AFAP1: variants seen among roughly 807,000 people sequenced by gnomAD.
The protein encoded by AFAP1 is actin filament-associated protein 1.
AFAP1 carries 75 observed loss-of-function variants against 93.9 expected under a neutral mutation model. The ratio of observed to expected loss-of-function variants is 0.80; its 90% CI spans 0.66 to 0.97. The LOEUF (loss-of-function observed/expected upper bound fraction) is 0.97, where lower values mean the gene tolerates loss of function less well. AFAP1 is among the 50% of genes least tolerant of loss of function. AFAP1 has a pLI of 0.00. For synonymous variants in AFAP1, 517 were observed against 430.7 expected, an observed-to-expected ratio of 1.20 and a Z score of -2.48; for missense variants, 1,201 against 1,050.8, an observed-to-expected ratio of 1.14 and a Z score of -1.98.
At chr4:7,861,548 C>T (rs187867047) in intron 3 of AFAP1, among the ~76,000 whole-genome samples, 14 of 152,324 alleles carry the variant, frequency 9.2e-5, no homozygotes, top group Non-Finnish European at 1.5e-4. Context: ...GATTGTCTCA[C>T]ATATTTTCTT....
intron 4 of AFAP1, among the ~76,000 whole-genome samples, chr4:7,848,623 T>G (rs1390639992): frequency 6.6e-6 from 1 of 152,146 alleles, no homozygotes; most frequent in East Asian, 1.9e-4. Context: ...TATCGGATGG[T>G]ACTGCCTACA....
chr4:7,791,655 C>G (rs533617700), intron 11 of AFAP1, among the ~76,000 whole-genome samples: 1 of 151,100 alleles, frequency 6.6e-6, no homozygotes, highest in South Asian at 2.1e-4. Flanking sequence ...AGTTTGAGAC[C>G]AGCCTGGGCA....
intron 1 of AFAP1, among the ~76,000 whole-genome samples, chr4:7,878,078 A>G (rs1043732300): frequency 6.6e-6 from 1 of 152,220 alleles, no homozygotes; most frequent in Non-Finnish European, 1.5e-5. Context: ...CCAAAGCAAG[A>G]AGGGAAGAAG....
chr4:7,776,856 A>T (rs374249024), intron 14 of AFAP1: 1 of 152,196 alleles, frequency 6.6e-6, no homozygotes, highest in Non-Finnish European at 1.5e-5. Flanking sequence ...TGTTTCCCCA[A>T]TGAACTCAAT....
At chr4:7,888,288 C>T (rs879392730) in intron 1 of AFAP1, among the ~76,000 whole-genome samples, 1 of 152,200 alleles carries the variant, frequency 6.6e-6, no homozygotes, top group Non-Finnish European at 1.5e-5. Flanking sequence ...GTCTTAACTG[C>T]TCTTCCTTCC....
At chr4:7,931,799 A>G (rs980111415) in intron 1 of AFAP1, among the ~76,000 whole-genome samples, 2 of 151,980 alleles carry the variant, frequency 1.3e-5, no homozygotes, top group Non-Finnish European at 2.9e-5. Context: ...TTTGCACAGG[A>G]TTTTGAGGAG....
intron 1 of AFAP1, among the ~76,000 whole-genome samples, chr4:7,924,978 C>T (rs1720649421): frequency 6.6e-6 from 1 of 152,174 alleles, no homozygotes. Flanking sequence ...GAGCCACCTC[C>T]AGCCCCCACA....
intron 4 of AFAP1, among the ~76,000 whole-genome samples, chr4:7,850,026 G>A (rs912607346): frequency 1.3e-5 from 2 of 152,080 alleles, no homozygotes; most frequent in African/African-American, 4.8e-5. Flanking sequence ...GCCCTCAGAC[G>A]AACTTTGGCT....
intron 12 of AFAP1, among the ~76,000 whole-genome samples, chr4:7,783,100 A>G (rs1186687835): frequency 1.3e-5 from 2 of 152,174 alleles, no homozygotes; most frequent in Non-Finnish European, 2.9e-5. Context: ...ACATTACTAA[A>G]GCTGAAACAG....
In AFAP1 at chr4:7,772,640, G is replaced by C. The variant is rs987432773; in HGVS notation, c.2253+180C>G. 1.3e-4 allele frequency: 77 copies of C among 598,638 alleles called. No homozygotes were observed. The East Asian group carries it at 2.2e-3, about 17-fold the overall frequency. The allele number at this position is 598,638 out of a possible 1,614,324, so 37.1% of individuals were successfully genotyped here. Reference sequence around the variant, plus strand: ...AGCGAGAGGTGAGAAAGCATGTCAGGAACACAGGCCCGGCCGATGAAAGTG... The same window carrying C: ...AGCGAGAGGTGAGAAAGCATGTCAGCAACACAGGCCCGGCCGATGAAAGTG... On this transcript the variant is annotated intron_variant, in intron 16 of 17. Coordinates refer to ENST00000420658, the MANE Select transcript of AFAP1 (RefSeq NM_001134647.2).
At chr4:7,837,997 G>C (rs551229551) in intron 6 of AFAP1, among the ~76,000 whole-genome samples, 2 of 152,288 alleles carry the variant, frequency 1.3e-5, no homozygotes, top group Admixed American at 1.3e-4. Context: ...CTGGGCAACA[G>C]AGCCAAGCCT....
chr4:7,880,278 CTTTTTTTTT>C lies in AFAP1; in HGVS notation c.-2-8207_-2-8199del, dbSNP rs35346388. 4.1e-5 allele frequency among the ~76,000 whole-genome samples: 5 copies of C among 120,564 alleles called. No individual in the cohort carries two copies. The South Asian group carries it at 8.1e-4, about 20-fold the overall frequency. The allele number at this position is 120,564 out of a possible 152,430, so 79.1% of individuals were successfully genotyped here. On this transcript the variant is annotated intron_variant, in intron 1 of 17. Transcript: ENST00000420658. ...AGGAGGGACCCTGGAACCCAAATGC[CTTTTTTTTT>C]TTTTTTTTTTGAGACGGAGTCTCAC...
At chr4:7,874,596 G>A (rs34383852) in intron 1 of AFAP1, among the ~76,000 whole-genome samples, 15,024 of 137,416 alleles carry the variant, frequency 0.11, 1,051 homozygotes, top group Non-Finnish European at 0.16. Flanking sequence ...TGTTAGCCGG[G>A]ATGGTCTCGA....
At chr4:7,862,062 G>C (rs1303710620) in intron 3 of AFAP1, 1 of 152,216 alleles carries the variant, frequency 6.6e-6, no homozygotes, top group African/African-American at 2.4e-5. Context: ...GCCGAGTGTG[G>C]TGGCTCACAT....
intron 6 of AFAP1, among the ~76,000 whole-genome samples, chr4:7,828,422 T>A (rs1721620521): frequency 6.6e-6 from 1 of 152,222 alleles, no homozygotes; most frequent in Non-Finnish European, 1.5e-5. Flanking sequence ...TGTGGTTTCT[T>A]CTTTCAGCAG....
intron 1 of AFAP1, among the ~76,000 whole-genome samples, chr4:7,922,959 A>C (rs1720518095): frequency 6.6e-6 from 1 of 152,248 alleles, no homozygotes; most frequent in African/African-American, 2.4e-5. Flanking sequence ...GCACTCCTGC[A>C]TTCCAGCCTG....
chr4:7,844,807 G>T (rs1383305437), intron 4 of AFAP1, among the ~76,000 whole-genome samples: 3 of 152,234 alleles, frequency 2.0e-5, no homozygotes, highest in African/African-American at 7.2e-5. Flanking sequence ...AGCTCCCTGA[G>T]ACAGGATCTG....
intron 1 of AFAP1, among the ~76,000 whole-genome samples, chr4:7,915,579 C>T (rs1720044919): frequency 6.6e-6 from 1 of 152,220 alleles, no homozygotes; most frequent in African/African-American, 2.4e-5. Flanking sequence ...GACGACCTGC[C>T]TGATTCAGAG....
chr4:7,860,858 A>C (rs1715592662), intron 3 of AFAP1, among the ~76,000 whole-genome samples: 1 of 150,852 alleles, frequency 6.6e-6, no homozygotes, highest in Admixed American at 6.6e-5. Context: ...TCTTAGGAAG[A>C]CTCTCCTCCC....
Sources: allele counts gnomAD v4.1 joint callset (sites outside exome capture counted in the v4.1 genomes callset), GRCh38; gene constraint gnomAD v4.1.1; transcripts MANE v1.5; gene names NCBI Gene and HGNC (gene_info 2026-07-23, HGNC 2026-07-21).